TPCN1: variants seen among roughly 807,000 people sequenced by gnomAD.
TPCN1 encodes the protein two pore segment channel 1, also known as two pore channel protein 1.
A neutral mutation model predicts 108.8 loss-of-function variants in TPCN1; 52 were observed. That is an observed-to-expected ratio of 0.48 (90% CI 0.38 to 0.60). TPCN1 has a LOEUF of 0.60. TPCN1 is among the 20% of genes least tolerant of loss of function. TPCN1 has a pLI of 0.00. For synonymous variants in TPCN1, 446 were observed against 433.7 expected, an observed-to-expected ratio of 1.03 and a Z score of -0.35; for missense variants, 806 against 1,072.8, an observed-to-expected ratio of 0.75 and a Z score of 3.47.
intron 2 of TPCN1, among the ~76,000 whole-genome samples, chr12:113,233,306 G>A (rs975561162): frequency 2.0e-5 from 3 of 152,224 alleles, no homozygotes; most frequent in African/African-American, 7.2e-5. Context: ...CTGGGGGAGG[G>A]CTGAGTTCAC....
chr12:113,250,632 A>G (rs934042883), intron 2 of TPCN1, among the ~76,000 whole-genome samples: 1 of 152,228 alleles, frequency 6.6e-6, no homozygotes, highest in South Asian at 2.1e-4. Context: ...TGAACAGGCC[A>G]GTTGTTGGTC....
intron 2 of TPCN1, chr12:113,244,885 G>A (rs1310650190): frequency 2.1e-6 from 1 of 478,284 alleles, no homozygotes; most frequent in African/African-American, 2.1e-5. Flanking sequence ...GAACTTGGGT[G>A]TCCAGGGTTC....
Position 113,284,621 on chromosome 12 carries a change from G to A in TPCN1, c.1383G>A (p.Glu461=). Reference sequence around the variant, plus strand: ...TCAACGGGGTCTGGATCCTCGTGGAGACATTTATGCTGAAAGGTGAGCCCC... The same window carrying A: ...TCAACGGGGTCTGGATCCTCGTGGAAACATTTATGCTGAAAGGTGAGCCCC... ...VAVNGVWILV[E]TFMLKGGNFF... is the part of the protein sequence containing the mutation. The change falls in exon 16 of 28, where the codon GAG becomes GAA. Residue 461 remains glutamate, a synonymous_variant. Coordinates refer to ENST00000335509, the MANE Select transcript of TPCN1 (RefSeq NM_017901.6). This position sits in a 1 kb window ranked among gnomAD's most constrained non-coding sequence, Gnocchi z 4.1. 1 of 1,614,232 alleles carries A rather than the reference G, an allele frequency of 6.2e-7. No homozygotes were observed. Among genetic ancestry groups the A allele is most frequent in the African/African-American group, 1.3e-5 (1 of 75,066 alleles).
At chr12:113,293,532 G>A (rs1956336169) in intron 27 of TPCN1, among the ~76,000 whole-genome samples, 183 bp downstream of exon 27, 1 of 152,166 alleles carries the variant, frequency 6.6e-6, no homozygotes, top group Non-Finnish European at 1.5e-5. Flanking sequence ...TTGAACCCTT[G>A]ACTCGTGCCC....
rs1955996262 is a variant in TPCN1 at position 113,284,475 on chromosome 12, C to A, written c.1343-106C>A. On this transcript the variant is annotated intron_variant, in intron 15 of 27. Transcript: ENST00000335509. This position sits in a 1 kb window ranked among gnomAD's most constrained non-coding sequence, Gnocchi z 4.1. ...GGTGTGTGGAGCAGCCCTGTTCTCC[C>A]CATCCCGTAGAGCTCCAGGAAGTTA... 2 of 1,278,164 alleles carry A rather than the reference C, an allele frequency of 1.6e-6. No individual in the cohort carries two copies. The highest frequency in any genetic ancestry group is 1.1e-6 in the Non-Finnish European group (1 of 882,258). The allele number at this position is 1,278,164 out of a possible 1,614,324, so 79.2% of individuals were successfully genotyped here. A position where few individuals can be genotyped will look rare whatever the true frequency, so the allele number is the denominator to read the frequency against.
At position 113,296,086 on chromosome 12, in the gene TPCN1, C is replaced by T. The variant is rs201057297; in HGVS notation, c.*10C>T. The T allele has an allele frequency of 2.1e-4, 341 of 1,612,060 alleles. 2 individuals carry two copies. In the African/African-American group the frequency reaches 3.7e-3, roughly 18 times the overall value. ...CCAGACCGTTACCTAGCCCAGCGCC[C>T]GAAAGCCGTCTCTTCTATGCAATAA... On this transcript the variant is annotated 3_prime_UTR_variant, in exon 28 of 28. Transcript: ENST00000335509.
At chr12:113,244,815 A>T (rs1038637837) in intron 2 of TPCN1, 3 of 954,328 alleles carry the variant, frequency 3.1e-6, no homozygotes, top group Non-Finnish European at 3.7e-6. Context: ...GGATGAAGAA[A>T]CTGAGGCTCT....
intron 25 of TPCN1, chr12:113,292,270 C>T: frequency 2.7e-6 from 1 of 366,710 alleles, no homozygotes; most frequent in Non-Finnish European, 5.0e-6. Flanking sequence ...CCTCCAGAGG[C>T]TTCTCCTTCT....
At chr12:113,261,343 A>G (rs1955022499) in intron 3 of TPCN1, among the ~76,000 whole-genome samples, 1 of 149,274 alleles carries the variant, frequency 6.7e-6, no homozygotes, top group Non-Finnish European at 1.5e-5. Flanking sequence ...AGAATAATAT[A>G]TCTGTTTTCC....
At chr12:113,281,315 C>T (rs964415008) in intron 15 of TPCN1, among the ~76,000 whole-genome samples, 3 of 152,170 alleles carry the variant, frequency 2.0e-5, no homozygotes, top group African/African-American at 7.2e-5. Flanking sequence ...GCTGGGATTA[C>T]AGGCGTGAGC....
rs984152315 is a variant in TPCN1, at chr12:113,232,761, G to A, written c.112+5797G>A. ...GTGATCACATGGTCAGTGCTCAGCC[G>A]GTCATAGGCATTATTATCATGGCAG... On this transcript the variant is annotated intron_variant, in intron 2 of 27. Transcript: ENST00000335509. This position sits in a 1 kb window ranked among gnomAD's most constrained non-coding sequence, Gnocchi z 5.6. Among the ~76,000 whole-genome samples the A allele has an allele frequency of 6.6e-6, 1 of 152,292 alleles. No individual in the cohort carries two copies. Among genetic ancestry groups the A allele is most frequent in the African/African-American group, 2.4e-5 (1 of 41,560 alleles).
chr12:113,271,903 G>A (rs1317602866), intron 7 of TPCN1, among the ~76,000 whole-genome samples: 1 of 152,156 alleles, frequency 6.6e-6, no homozygotes, highest in Non-Finnish European at 1.5e-5. Context: ...CATAGACATC[G>A]GAAGCCGTGG....
rs1406055946 is a variant in TPCN1 at position 113,298,261 on chromosome 12, C to G, written c.*2185C>G. ...ACCCAGCAGGGAGTTGGGGTCCCCC[C>G]ACAGGCTGTGAGCTCTGTGGGCCCT... On this transcript the variant is annotated 3_prime_UTR_variant, in exon 28 of 28. Transcript: ENST00000335509. 1 of 152,356 alleles carries G rather than the reference C, an allele frequency of 6.6e-6. No individual in the cohort carries two copies. Among genetic ancestry groups the G allele is most frequent in the African/African-American group, 2.4e-5 (1 of 41,474 alleles). The allele number at this position is 152,356 out of a possible 1,614,324, so 9.4% of individuals were successfully genotyped here.
intron 3 of TPCN1, among the ~76,000 whole-genome samples, chr12:113,263,679 TC>T (rs1170403407): frequency 1.3e-5 from 2 of 152,190 alleles, no homozygotes; most frequent in South Asian, 2.1e-4. Context: ...GCCTGCAGTT[TC>T]CCCTCTTCCC....
chr12:113,227,506 C>G (rs1953516828), intron 2 of TPCN1, among the ~76,000 whole-genome samples: 1 of 152,150 alleles, frequency 6.6e-6, no homozygotes, highest in African/African-American at 2.4e-5. Context: ...TGAACCAAAG[C>G]CTAGCACAAA....
chr12:113,293,067 A>T lies in TPCN1; in HGVS notation c.2247A>T (p.Arg749Ser). The change falls in exon 26 of 28, where the codon AGA becomes AGT. Residue 749 changes from arginine to serine, a missense_variant. By Grantham distance (110) the Arg-to-Ser change is moderately radical. Coordinates refer to ENST00000335509, the MANE Select transcript of TPCN1 (RefSeq NM_017901.6). Reference protein sequence around the residue: ...RLLETLSQMERYQQHSMVFLG... With the variant: ...RLLETLSQMESYQQHSMVFLG... The stretch of plus-strand genomic sequence containing the variant: ...TGGAGACCCTCTCCCAGATGGAGAG[A>T]TACCAGGTGAGGAGCCCAGGCCCTG... 2 of 1,611,650 alleles carry T rather than the reference A, an allele frequency of 1.2e-6. No individual in the cohort carries two copies. Among genetic ancestry groups the T allele is most frequent in the Non-Finnish European group, 8.5e-7 (1 of 1,179,068 alleles).
At chr12:113,258,654 G>A (rs1036201017) in intron 2 of TPCN1, among the ~76,000 whole-genome samples, 2 of 152,036 alleles carry the variant, frequency 1.3e-5, no homozygotes, top group African/African-American at 4.8e-5. Flanking sequence ...GATGGTGCAT[G>A]CCTGTAGTCC....
intron 2 of TPCN1, among the ~76,000 whole-genome samples, chr12:113,254,233 G>A (rs1954754169): frequency 6.6e-6 from 1 of 152,152 alleles, no homozygotes; most frequent in Non-Finnish European, 1.5e-5. Context: ...TAGCTTTCCT[G>A]GTGAACGGTA....
intron 1 of TPCN1, 74 bp downstream of exon 1, chr12:113,221,700 A>AG (rs1953230498): frequency 6.1e-6 from 1 of 162,974 alleles, no homozygotes; most frequent in African/African-American, 2.4e-5. Flanking sequence ...ACGCGGAGTA[A>AG]GGGGTTGCGG....
Sources: allele counts gnomAD v4.1 joint callset (sites outside exome capture counted in the v4.1 genomes callset), GRCh38; gene constraint gnomAD v4.1.1; non-coding constraint Gnocchi (gnomAD v3.1); transcripts MANE v1.5; gene names NCBI Gene and HGNC (gene_info 2026-07-23, HGNC 2026-07-21).